RAB20: variants seen among roughly 807,000 people sequenced by gnomAD.
RAB20 encodes the protein ras-related protein Rab-20.
RAB20 carries 2 observed loss-of-function variants against 3.7 expected under a neutral mutation model. That is an observed-to-expected ratio of 0.54 (90% CI 0.22 to 1.69). RAB20 has a LOEUF of 1.69. Ranked by LOEUF, RAB20 falls within the 40% of genes most tolerant of loss-of-function variation. The probability of loss-of-function intolerance (pLI) is 0.19; values close to 1 mark genes in which losing one functional copy is unlikely to be tolerated. For missense variants in RAB20, 276 were observed against 311.9 expected (o/e 0.88, Z 0.87); for synonymous variants, 126 against 130.8 (o/e 0.96, Z 0.25).
chr13:110,560,551 A>G (rs962166197), intron 1 of RAB20, among the ~76,000 whole-genome samples: 3 of 152,166 alleles, frequency 2.0e-5, no homozygotes, highest in Admixed American at 2.0e-4. Flanking sequence ...AATGTGTCAC[A>G]CTATTTCCAG....
chr13:110,555,261 C>CT lies in RAB20; in HGVS notation c.172+6086dup, dbSNP rs1885020244. Among the ~76,000 whole-genome samples, 2 of 152,204 alleles carry CT rather than the reference C, an allele frequency of 1.3e-5. No individual in the cohort carries two copies. The highest frequency in any genetic ancestry group is 2.9e-5 in the Non-Finnish European group (2 of 68,034). ...CTCCCACCACAAACCTCCAACTACT[C>CT]TAACGCGCCGGAATAGAACTCAAAT... is the stretch of plus-strand genomic sequence containing the variant. On this transcript the variant is annotated intron_variant, in intron 1 of 1. Coordinates refer to ENST00000267328, the MANE Select transcript of RAB20 (RefSeq NM_017817.3). This position sits in a 1 kb window ranked among gnomAD's most constrained non-coding sequence, Gnocchi z 4.0.
chr13:110,539,391 C>T (rs1024443136), intron 1 of RAB20, among the ~76,000 whole-genome samples: 10 of 151,986 alleles, frequency 6.6e-5, no homozygotes, highest in African/African-American at 1.7e-4. Context: ...CCCCTGCCCG[C>T]GAAATGAAGC....
At chr13:110,529,568 C>T (rs1356265136) in intron 1 of RAB20, among the ~76,000 whole-genome samples, 1 of 152,162 alleles carries the variant, frequency 6.6e-6, no homozygotes, top group East Asian at 1.9e-4. Flanking sequence ...GCCCCAGAAA[C>T]AGGGCAAAAG....
chr13:110,556,860 G>C (rs999317214), intron 1 of RAB20, among the ~76,000 whole-genome samples: 2 of 152,194 alleles, frequency 1.3e-5, no homozygotes. Flanking sequence ...TAACTAATTT[G>C]TTATAGCAGC....
intron 1 of RAB20, among the ~76,000 whole-genome samples, chr13:110,534,033 G>A (rs1052553613): frequency 6.6e-6 from 1 of 152,204 alleles, no homozygotes; most frequent in Non-Finnish European, 1.5e-5. Flanking sequence ...ACTGTATCTG[G>A]TCGGGCCCCG....
chr13:110,559,839 C>T (rs551014049), intron 1 of RAB20, among the ~76,000 whole-genome samples: 2 of 152,178 alleles, frequency 1.3e-5, no homozygotes, highest in East Asian at 1.9e-4. Context: ...ATGCAGGGGC[C>T]GTTCCAGCAC....
chr13:110,541,595 T>C (rs965325159), intron 1 of RAB20, among the ~76,000 whole-genome samples: 5 of 152,202 alleles, frequency 3.3e-5, no homozygotes, highest in African/African-American at 1.2e-4. Flanking sequence ...CTTCTCATTT[T>C]TCAGGAAAAG....
At chr13:110,533,477 G>T (rs1411410936) in intron 1 of RAB20, among the ~76,000 whole-genome samples, 1 of 152,066 alleles carries the variant, frequency 6.6e-6, no homozygotes, top group Admixed American at 6.5e-5. Context: ...GAGCCCCTGA[G>T]TTTGAGACCA....
chr13:110,532,952 G>C (rs893282628), intron 1 of RAB20, among the ~76,000 whole-genome samples: 4 of 152,184 alleles, frequency 2.6e-5, no homozygotes, highest in African/African-American at 4.8e-5. Context: ...AAGTGCTGGG[G>C]TCACAGGCAT....
intron 1 of RAB20, among the ~76,000 whole-genome samples, chr13:110,547,077 C>A (rs1259055611): frequency 6.6e-6 from 1 of 152,188 alleles, no homozygotes; most frequent in Non-Finnish European, 1.5e-5. Context: ...AGAAAGTGTT[C>A]CTCCTTCTCA....
At chr13:110,533,853 G>A (rs1884592523) in intron 1 of RAB20, among the ~76,000 whole-genome samples, 1 of 152,230 alleles carries the variant, frequency 6.6e-6, no homozygotes, top group African/African-American at 2.4e-5. Context: ...GGGCTGCCTG[G>A]AGCCAGCACA....
intron 1 of RAB20, among the ~76,000 whole-genome samples, chr13:110,533,367 C>T (rs1017146450): frequency 5.9e-5 from 9 of 151,950 alleles, no homozygotes; most frequent in African/African-American, 1.2e-4. Context: ...TTTTTAAAAC[C>T]GATAGTGAAC....
intron 1 of RAB20, among the ~76,000 whole-genome samples, chr13:110,549,616 C>T (rs983548692): frequency 2.6e-5 from 4 of 152,260 alleles, no homozygotes; most frequent in African/African-American, 9.6e-5. Context: ...GGTCCTGCCC[C>T]ATACCCTAGA....
At chr13:110,543,503 T>C (rs1884801303) in intron 1 of RAB20, among the ~76,000 whole-genome samples, 1 of 152,238 alleles carries the variant, frequency 6.6e-6, no homozygotes. Context: ...ATTTTGGATA[T>C]TAATCCCTTA....
At position 110,548,054 on chromosome 13, in the gene RAB20, T is replaced by C. The variant is rs144894604; in HGVS notation, c.172+13294A>G. 2.4e-4 allele frequency among the ~76,000 whole-genome samples: 36 copies of C among 152,232 alleles called. No individual in the cohort carries two copies. In the East Asian group the frequency reaches 6.8e-3, roughly 29 times the overall value. The stretch of plus-strand genomic sequence containing the variant: ...GCCGTCAAGGCTCTTAGTAATAAAA[T>C]TGAGAATTTCCAAAATACAAATAGG... On this transcript the variant is annotated intron_variant, in intron 1 of 1. Transcript: ENST00000267328.
chr13:110,552,757 C>T (rs1359042070), intron 1 of RAB20, among the ~76,000 whole-genome samples: 2 of 151,728 alleles, frequency 1.3e-5, no homozygotes, highest in African/African-American at 4.8e-5. Flanking sequence ...CTCCAGAGAG[C>T]TTAAAGATAA....
At chr13:110,550,382 GGTC>G (rs1366364184) in intron 1 of RAB20, among the ~76,000 whole-genome samples, 1 of 152,188 alleles carries the variant, frequency 6.6e-6, no homozygotes, top group Non-Finnish European at 1.5e-5. Flanking sequence ...CCAAAGAGGG[GGTC>G]GTGGGAACCC....
Position 110,523,593 on chromosome 13 carries a change from T to C in RAB20, c.*72A>G. 1 of 1,554,838 alleles carries C rather than the reference T, an allele frequency of 6.4e-7. No individual in the cohort carries two copies. Among genetic ancestry groups the C allele is most frequent in the Non-Finnish European group, 8.7e-7 (1 of 1,149,896 alleles). ...ATAATTCCTTGCTGTTCCTTGCTCC[T>C]TTCAGATCACAGCTTGCCTGGTCAG... is the stretch of plus-strand genomic sequence containing the variant. On this transcript the variant is annotated 3_prime_UTR_variant, in exon 2 of 2. Transcript: ENST00000267328.
At chr13:110,549,911 A>C (rs929031201) in intron 1 of RAB20, among the ~76,000 whole-genome samples, 1 of 152,036 alleles carries the variant, frequency 6.6e-6, no homozygotes, top group Non-Finnish European at 1.5e-5. Flanking sequence ...TTTAGTAGAG[A>C]CAGAGTCTCG....
Sources: allele counts gnomAD v4.1 joint callset (sites outside exome capture counted in the v4.1 genomes callset), GRCh38; gene constraint gnomAD v4.1.1; non-coding constraint Gnocchi (gnomAD v3.1); transcripts MANE v1.5; gene names NCBI Gene and HGNC (gene_info 2026-07-23, HGNC 2026-07-21).